CDH4: variants seen among roughly 807,000 people sequenced by gnomAD.
CDH4 encodes cadherin-4.
CDH4 carries 33 observed loss-of-function variants against 86.0 expected under a neutral mutation model. That is an observed-to-expected ratio of 0.38 (90% CI 0.29 to 0.51). The LOEUF (loss-of-function observed/expected upper bound fraction) is 0.51, where lower values mean the gene tolerates loss of function less well. CDH4 is among the 20% of genes least tolerant of loss of function. CDH4 has a pLI of 0.86. For missense variants in CDH4, 1,114 were observed against 1,307.4 expected (o/e 0.85, Z 2.28); for synonymous variants, 555 against 549.4 (o/e 1.01, Z -0.14).
intron 4 of CDH4, among the ~76,000 whole-genome samples, chr20:61,817,891 G>T (rs937116241): frequency 6.6e-6 from 1 of 152,248 alleles, no homozygotes. Context: ...CTGAGCAGCA[G>T]CAGGACACAC....
intron 13 of CDH4, among the ~76,000 whole-genome samples, chr20:61,931,434 G>A (rs1204656157): frequency 6.6e-6 from 1 of 152,242 alleles, no homozygotes; most frequent in Non-Finnish European, 1.5e-5. Flanking sequence ...CTCCGCTTCG[G>A]AATCCTCCTC....
chr20:61,879,142 G>A lies in CDH4; in HGVS notation c.1050+5242G>A, dbSNP rs562501037. 1.1e-3 allele frequency among the ~76,000 whole-genome samples: 164 copies of A among 152,294 alleles called. 9 individuals carry two copies. The highest frequency in any genetic ancestry group is 2.6e-4 in the Non-Finnish European group (18 of 68,022). On this transcript the variant is annotated intron_variant, in intron 7 of 15. Coordinates refer to ENST00000614565, the MANE Select transcript of CDH4 (RefSeq NM_001794.5). The surrounding 1 kb of genome is among the most constrained non-coding windows in gnomAD (Gnocchi z 4.1). The stretch of plus-strand genomic sequence containing the variant: ...GGCGGCCACTGACAGCAGTGTAGAC[G>A]CCAAGCGAGCACCAGTTCAGCTCCC...
rs535275327 is a variant in CDH4 at position 61,568,274 on chromosome 20, T to C, written c.170-175289T>C. On this transcript the variant is annotated intron_variant, in intron 2 of 15. Coordinates refer to ENST00000614565, the MANE Select transcript of CDH4 (RefSeq NM_001794.5). The stretch of plus-strand genomic sequence containing the variant: ...GAGCCGGTGAGAGGTAACTGAATTA[T>C]GGGGGTGATTTCCCCATGCTCTTCT... Among the ~76,000 whole-genome samples, 9 of 152,278 alleles carry C rather than the reference T, an allele frequency of 5.9e-5. No homozygotes were observed. In the South Asian group the frequency reaches 1.9e-3, roughly 32 times the overall value.
chr20:61,647,582 T>G (rs2087078459), intron 2 of CDH4, among the ~76,000 whole-genome samples: 1 of 94,986 alleles, frequency 1.1e-5, no homozygotes, highest in African/African-American at 4.3e-5. Context: ...TCCCTCCCCC[T>G]CTCCTCTCTC....
In CDH4 at chr20:61,811,238, G is replaced by A. The variant is rs17811137; in HGVS notation, c.577-33430G>A. On this transcript the variant is annotated intron_variant, in intron 4 of 15. Coordinates refer to ENST00000614565, the MANE Select transcript of CDH4 (RefSeq NM_001794.5). The surrounding 1 kb of genome is among the most constrained non-coding windows in gnomAD (Gnocchi z 4.4). ...CAGGTGAAGTGAAGAATTGCTGGAG[G>A]AAACATCCAAACGGCTTGAACTTTG... Among the ~76,000 whole-genome samples the A allele has an allele frequency of 9.3e-3, 1,417 of 152,328 alleles. 4 individuals carry two copies. The highest frequency in any genetic ancestry group is 0.017 in the South Asian group (83 of 4,824).
intron 5 of CDH4, among the ~76,000 whole-genome samples, chr20:61,848,134 G>T (rs1254809017): frequency 6.6e-6 from 1 of 152,262 alleles, no homozygotes; most frequent in Non-Finnish European, 1.5e-5. Context: ...GAAAGATGGG[G>T]ATCACAGGCT....
chr20:61,645,804 G>A (rs1269336394), intron 2 of CDH4, among the ~76,000 whole-genome samples: 1 of 152,116 alleles, frequency 6.6e-6, no homozygotes, highest in African/African-American at 2.4e-5. Flanking sequence ...AGAGTGGTGA[G>A]GTAGTTTGCC....
intron 2 of CDH4, among the ~76,000 whole-genome samples, chr20:61,666,255 TG>T (rs2087322895): frequency 1.3e-5 from 2 of 152,192 alleles, no homozygotes; most frequent in Non-Finnish European, 2.9e-5. Context: ...CCACAAGAGA[TG>T]GCTGCACAGA....
At chr20:61,715,846 G>A (rs2087946841) in intron 2 of CDH4, among the ~76,000 whole-genome samples, 1 of 152,224 alleles carries the variant, frequency 6.6e-6, no homozygotes, top group Non-Finnish European at 1.5e-5. Flanking sequence ...CCAGGCCTGA[G>A]GGCCATAGCA....
In CDH4 at chr20:61,810,119, C is replaced by A. The variant is rs1054838787; in HGVS notation, c.577-34549C>A. Among the ~76,000 whole-genome samples, 2 of 152,120 alleles carry A rather than the reference C, an allele frequency of 1.3e-5. No individual in the cohort carries two copies. The highest frequency in any genetic ancestry group is 4.8e-5 in the African/African-American group (2 of 41,408). ...GCGTTGGTCAGACCTGGACGGGCCT[C>A]AGCCGGGGTGGGGTGGGGGGCACCT... is the stretch of plus-strand genomic sequence containing the variant. On this transcript the variant is annotated intron_variant, in intron 4 of 15. Coordinates refer to ENST00000614565, the MANE Select transcript of CDH4 (RefSeq NM_001794.5). This position sits in a 1 kb window ranked among gnomAD's most constrained non-coding sequence, Gnocchi z 4.3.
chr20:61,643,368 G>A (rs924407675), intron 2 of CDH4, among the ~76,000 whole-genome samples: 1 of 152,234 alleles, frequency 6.6e-6, no homozygotes, highest in African/African-American at 2.4e-5. Flanking sequence ...GTTACATTGG[G>A]AACTGAGTTT....
At chr20:61,352,136 G>C (rs4810236) in intron 2 of CDH4, among the ~76,000 whole-genome samples, 72,474 of 151,968 alleles carry the variant, frequency 0.48, 18,120 homozygotes, top group African/African-American at 0.65. Flanking sequence ...CTCACCGTCT[G>C]CACTCTGCCC....
chr20:61,743,890 G>C, intron 3 of CDH4, 101 bp downstream of exon 3: 3 of 871,318 alleles, frequency 3.4e-6, no homozygotes, highest in Non-Finnish European at 5.5e-6. Context: ...AGGACAGACA[G>C]TCACCTCCTC....
intron 2 of CDH4, among the ~76,000 whole-genome samples, chr20:61,446,157 A>C (rs1172228136): frequency 6.6e-6 from 1 of 152,232 alleles, no homozygotes; most frequent in African/African-American, 2.4e-5. Context: ...TGACCTTGGA[A>C]CCAGACTGGA....
chr20:61,797,779 C>CTCCAG (rs1979610124), intron 4 of CDH4, among the ~76,000 whole-genome samples: 1 of 152,114 alleles, frequency 6.6e-6, no homozygotes, highest in South Asian at 2.1e-4. Context: ...AAAGTGAGAC[C>CTCCAG]CCGTCTCTAC....
chr20:61,276,497 G>T (rs1296082237), intron 2 of CDH4, among the ~76,000 whole-genome samples: 3 of 152,192 alleles, frequency 2.0e-5, no homozygotes, highest in Non-Finnish European at 4.4e-5. Flanking sequence ...AGGATTAGGA[G>T]GCCGCACTTG....
At chr20:61,619,562 GA>G (rs2086753124) in intron 2 of CDH4, among the ~76,000 whole-genome samples, 2 of 152,204 alleles carry the variant, frequency 1.3e-5, no homozygotes, top group African/African-American at 4.8e-5. Context: ...TCACACCGAA[GA>G]AGAGTGAGCT....
chr20:61,363,142 C>T (rs758498559), intron 2 of CDH4, among the ~76,000 whole-genome samples: 3 of 152,272 alleles, frequency 2.0e-5, no homozygotes, highest in Middle Eastern at 3.4e-3. Context: ...AGGACAGCTG[C>T]CGGCAGGTTT....
chr20:61,914,339 G>A (rs1270853720), intron 9 of CDH4, among the ~76,000 whole-genome samples: 1 of 152,194 alleles, frequency 6.6e-6, no homozygotes, highest in Non-Finnish European at 1.5e-5. Flanking sequence ...TGTAGCCACT[G>A]TCTCATTGCC....
Sources: allele counts gnomAD v4.1 joint callset (sites outside exome capture counted in the v4.1 genomes callset), GRCh38; gene constraint gnomAD v4.1.1; non-coding constraint Gnocchi (gnomAD v3.1); transcripts MANE v1.5; gene names NCBI Gene and HGNC (gene_info 2026-07-23, HGNC 2026-07-21).